Variants in DNAJC15 observed in about 807,000 individuals in gnomAD.
The protein encoded by DNAJC15 is DnaJ heat shock protein family (Hsp40) member C15, also known as dnaJ homolog subfamily C member 15.
In DNAJC15, 27 loss-of-function variants were observed where a neutral mutation model predicts 22.4. The observed-to-expected ratio is 1.20, with a 90% confidence interval of 0.89 to 1.66. The LOEUF is 1.66. Ranked by LOEUF, DNAJC15 falls within the 40% of genes most tolerant of loss-of-function variation. DNAJC15 has a pLI of 0.00. For missense variants in DNAJC15, 208 were observed against 187.1 expected, an observed-to-expected ratio of 1.11 and a Z score of -0.65; for synonymous variants, 79 against 63.2, an observed-to-expected ratio of 1.25 and a Z score of -1.19.
intron 1 of DNAJC15, among the ~76,000 whole-genome samples, chr13:43,034,581 C>T (rs1312048303): frequency 4.6e-5 from 7 of 151,572 alleles, no homozygotes; most frequent in African/African-American, 9.7e-5. Context: ...TCCCAAAGTG[C>T]TAGGATTACA....
At chr13:43,098,931 A>G (rs1209279781) in intron 5 of DNAJC15, among the ~76,000 whole-genome samples, 1 of 152,164 alleles carries the variant, frequency 6.6e-6, no homozygotes, top group Non-Finnish European at 1.5e-5. Context: ...TCTACAAGGA[A>G]ATCAGCTGAG....
At chr13:43,055,617 CTCT>C (rs1324809275) in intron 1 of DNAJC15, among the ~76,000 whole-genome samples, 1 of 152,306 alleles carries the variant, frequency 6.6e-6, no homozygotes, top group Admixed American at 6.5e-5. Context: ...TGGATCTTCT[CTCT>C]TCTTTTCTTG....
At chr13:43,076,762 C>G (rs570459851) in intron 3 of DNAJC15, among the ~76,000 whole-genome samples, 5 of 152,312 alleles carry the variant, frequency 3.3e-5, no homozygotes, top group African/African-American at 7.2e-5. Context: ...TCTTTCCATT[C>G]TGTCTTAAAT....
chr13:43,069,695 G>A (rs2040599814), intron 3 of DNAJC15, among the ~76,000 whole-genome samples: 1 of 152,174 alleles, frequency 6.6e-6, no homozygotes, highest in Admixed American at 6.5e-5. Flanking sequence ...AAGCAGATCT[G>A]GGATAGATCA....
intron 4 of DNAJC15, among the ~76,000 whole-genome samples, chr13:43,081,440 T>G (rs569404606): frequency 7.0e-6 from 1 of 143,884 alleles, no homozygotes; most frequent in East Asian, 2.0e-4. Flanking sequence ...TGATGCACAT[T>G]TATGATTTTT....
chr13:43,053,217 A>G (rs866548066), intron 1 of DNAJC15, among the ~76,000 whole-genome samples: 5 of 152,056 alleles, frequency 3.3e-5, no homozygotes, highest in Non-Finnish European at 5.9e-5. Flanking sequence ...ACTGTTAAGT[A>G]TTTGGCTTTA....
At chr13:43,068,900 A>T (rs780341477) in intron 2 of DNAJC15, 30 bp from the exon 3 acceptor site, 1 of 1,586,974 alleles carries the variant, frequency 6.3e-7, no homozygotes, top group East Asian at 2.3e-5. Flanking sequence ...TATAGAAAAT[A>T]CATTTGCTTT....
chr13:43,072,124 C>T (rs1376999984), intron 3 of DNAJC15, among the ~76,000 whole-genome samples: 1 of 152,088 alleles, frequency 6.6e-6, no homozygotes, highest in African/African-American at 2.4e-5. Flanking sequence ...TTGTAGACAA[C>T]CTATTGTTTT....
At chr13:43,064,970 G>GA (rs34236620) in intron 1 of DNAJC15, among the ~76,000 whole-genome samples, 10,843 of 142,472 alleles carry the variant, frequency 0.076, 388 homozygotes, top group South Asian at 0.088. Context: ...TGATCATATT[G>GA]AAAAAAAAAA....
intron 4 of DNAJC15, among the ~76,000 whole-genome samples, chr13:43,080,412 G>T (rs575722909): frequency 1.6e-4 from 25 of 152,324 alleles, no homozygotes; most frequent in Non-Finnish European, 3.1e-4. Context: ...TGGCTGCGTA[G>T]TATTCCATGG....
At chr13:43,087,081 A>T (rs531122542) in intron 5 of DNAJC15, among the ~76,000 whole-genome samples, 20 of 152,314 alleles carry the variant, frequency 1.3e-4, no homozygotes, top group African/African-American at 4.6e-4. Context: ...TTTTGTTTGC[A>T]TGATTTAATA....
At chr13:43,069,951 G>A (rs1391295222) in intron 3 of DNAJC15, among the ~76,000 whole-genome samples, 1 of 148,040 alleles carries the variant, frequency 6.8e-6, no homozygotes, top group East Asian at 1.9e-4. Context: ...CAGAAAGACT[G>A]TCATTTTTTC....
intron 1 of DNAJC15, among the ~76,000 whole-genome samples, chr13:43,028,186 G>C (rs766656889): frequency 6.6e-6 from 1 of 152,174 alleles, no homozygotes; most frequent in Non-Finnish European, 1.5e-5. Flanking sequence ...ATTTCCAGAT[G>C]TCTACCAGTG....
At chr13:43,070,928 G>A (rs945458468) in intron 3 of DNAJC15, among the ~76,000 whole-genome samples, 3 of 152,150 alleles carry the variant, frequency 2.0e-5, no homozygotes, top group Admixed American at 1.3e-4. Flanking sequence ...GATAGTCCGG[G>A]TGATAGATGA....
intron 1 of DNAJC15, among the ~76,000 whole-genome samples, chr13:43,040,449 G>A (rs1566201613): frequency 6.6e-6 from 1 of 152,184 alleles, no homozygotes; most frequent in Non-Finnish European, 1.5e-5. Context: ...ATAATGTTAA[G>A]TAGATGGAAG....
intron 1 of DNAJC15, among the ~76,000 whole-genome samples, chr13:43,034,793 C>T (rs1192888358): frequency 2.6e-5 from 4 of 152,148 alleles, no homozygotes; most frequent in Admixed American, 1.3e-4. Flanking sequence ...ATACCCCCAA[C>T]GTTGTGGGGG....
chr13:43,042,515 C>G (rs988021544), intron 1 of DNAJC15, among the ~76,000 whole-genome samples: 2 of 152,108 alleles, frequency 1.3e-5, no homozygotes, highest in African/African-American at 4.8e-5. Context: ...TAAGAGTCAA[C>G]TAGGATGGGG....
At chr13:43,057,762 C>T (rs56686332) in intron 1 of DNAJC15, among the ~76,000 whole-genome samples, 11,229 of 152,174 alleles carry the variant, frequency 0.074, 421 homozygotes, top group Middle Eastern at 0.082. Flanking sequence ...TCAAAGGCTG[C>T]TGTTCAGATC....
Position 43,085,754 on chromosome 13 carries a change from A to G in DNAJC15, c.312-14A>G, listed in dbSNP as rs1271090451. 1.2e-6 allele frequency: 2 copies of G among 1,608,158 alleles called. No individual in the cohort carries two copies. Among genetic ancestry groups the G allele is most frequent in the Non-Finnish European group, 1.7e-6 (2 of 1,177,822 alleles). On this transcript the variant is annotated splice_polypyrimidine_tract_variant and intron_variant, in intron 4 of 5. Transcript: ENST00000379221. Reference sequence around the variant, plus strand: ...GATGCTATTTATTATAAGCACTGTAATTTCTTTTTACAGCCCATCTGCTGG... The same window carrying G: ...GATGCTATTTATTATAAGCACTGTAGTTTCTTTTTACAGCCCATCTGCTGG...
Sources: gnomAD v4.1 joint callset for allele counts (sites outside exome capture counted in the v4.1 genomes callset) on GRCh38, gnomAD v4.1.1 for gene constraint, MANE v1.5 for transcripts, NCBI Gene and HGNC (gene_info 2026-07-23, HGNC 2026-07-21) for gene names.